Variants in TBC1D9B observed in about 807,000 individuals in gnomAD.
The protein encoded by TBC1D9B is TBC1 domain family, member 9B (with GRAM domain).
TBC1D9B carries 87 observed loss-of-function variants against 121.1 expected under a neutral mutation model. The ratio of observed to expected loss-of-function variants is 0.72; its 90% CI spans 0.60 to 0.86. The LOEUF (loss-of-function observed/expected upper bound fraction) is 0.86. Ranked by LOEUF, TBC1D9B falls within the 40% of genes least tolerant of loss-of-function variation. TBC1D9B has a pLI of 0.00. For synonymous variants in TBC1D9B, 668 were observed against 670.1 expected, an observed-to-expected ratio of 1.00 and a Z score of 0.05; for missense variants, 1,540 against 1,628.6, an observed-to-expected ratio of 0.95 and a Z score of 0.94.
intron 5 of TBC1D9B, 53 bp downstream of exon 5, chr5:179,893,156 G>A: frequency 6.5e-7 from 1 of 1,545,844 alleles, no homozygotes; most frequent in Admixed American, 1.8e-5. Context: ...TCCCAGCCAA[G>A]GTCAGCGAAC....
At chr5:179,895,795 G>A (rs1289257992) in intron 3 of TBC1D9B, among the ~76,000 whole-genome samples, 1 of 152,236 alleles carries the variant, frequency 6.6e-6, no homozygotes, top group African/African-American at 2.4e-5. Flanking sequence ...AGGACTGAAA[G>A]GTGGGATCTG....
chr5:179,888,040 T>C, intron 7 of TBC1D9B, 63 bp downstream of exon 7: 1 of 1,595,346 alleles, frequency 6.3e-7, no homozygotes. Context: ...GCGGGGAGGC[T>C]GATGGATGCC....
chr5:179,891,541 G>T lies in TBC1D9B; in HGVS notation c.882C>A (p.Phe294Leu), dbSNP rs1256719856. 3 of 1,613,810 alleles carry T rather than the reference G, an allele frequency of 1.9e-6. No individual in the cohort carries two copies. The Admixed American group carries it at 5.0e-5, about 27-fold the overall frequency. ...CTAGCCGCTCATCCCTGGGCAGCCG[G>T]AACGTGGCTCGGTAGCACTCATTCT... ...RAKNECYRAT[F>L]RLPRDERLDG... The change falls in exon 6 of 21, where the codon TTC becomes TTA. Residue 294 changes from phenylalanine (F) to leucine (L), a missense_variant. Coordinates refer to ENST00000355235, the MANE Select transcript of TBC1D9B (RefSeq NM_015043.4). This position sits in a 1 kb window ranked among gnomAD's most constrained non-coding sequence, Gnocchi z 4.3.
At chr5:179,900,072 T>C (rs867103648) in intron 2 of TBC1D9B, among the ~76,000 whole-genome samples, 1 of 151,904 alleles carries the variant, frequency 6.6e-6, no homozygotes, top group East Asian at 1.9e-4. Flanking sequence ...TACAAAAAAT[T>C]AGCTGGGCGT....
In TBC1D9B at chr5:179,888,255, T is replaced by C. The variant is rs746913600; in HGVS notation, c.1102A>G (p.Ser368Gly). The change falls in exon 7 of 21, where the codon AGC (serine) becomes GGC (glycine). Residue 368 changes from serine (S) to glycine (G), a missense_variant. Coordinates refer to ENST00000355235, the MANE Select transcript of TBC1D9B (RefSeq NM_015043.4). ...SSVLPSPLSI[S>G]TKSKMTFLFA... ...AGGAATGTCATTTTGCTTTTGGTGC[T>C]GATGGACAGGGGGCTGGGCAGCACG... 1 of 1,611,946 alleles carries C rather than the reference T, an allele frequency of 6.2e-7. No homozygotes were observed. The highest frequency in any genetic ancestry group is 2.2e-5 in the East Asian group (1 of 44,850).
At chr5:179,871,641 C>T (rs1245033573) in intron 14 of TBC1D9B, 111 bp from the exon 15 acceptor site, 1 of 1,140,150 alleles carries the variant, frequency 8.8e-7, no homozygotes, top group Non-Finnish European at 1.3e-6. Context: ...GTGAACCGCC[C>T]TCTCAGTGGC....
At position 179,862,962 on chromosome 5, in the gene TBC1D9B, C is replaced by T. The variant is rs563798740; in HGVS notation, c.*486G>A. On this transcript the variant is annotated 3_prime_UTR_variant, in exon 21 of 21. Transcript: ENST00000355235. ...TCCTCAGTCAGGAGGTTCAGGCTCC[C>T]GGAGAGCACCTGAGGGTTCCATCAC... 2.4e-5 allele frequency: 6 copies of T among 249,188 alleles called. No individual in the cohort carries two copies. Among genetic ancestry groups the T allele is most frequent in the South Asian group, 9.4e-5 (2 of 21,292 alleles). The allele number at this position is 249,188 out of a possible 1,614,324, so 15.4% of individuals were successfully genotyped here. A position where few individuals can be genotyped will look rare whatever the true frequency, so the allele number is the denominator to read the frequency against.
rs1199923915 is a variant in TBC1D9B at position 179,865,179 on chromosome 5, G to A, written c.3021+75C>T. On this transcript the variant is annotated intron_variant, in intron 20 of 20. Transcript: ENST00000355235. The surrounding 1 kb of genome is among the most constrained non-coding windows in gnomAD (Gnocchi z 5.1). ...ACCCACCAGGAGATGCTGCAGTGCA[G>A]GTGCGGTGATGTTAGGGCCCAGTCT... 3.6e-6 allele frequency: 5 copies of A among 1,370,418 alleles called. No individual in the cohort carries two copies. The highest frequency in any genetic ancestry group is 2.9e-5 in the African/African-American group (2 of 70,008). 84.9% of individuals were successfully genotyped at this position (1,370,418 alleles called of 1,614,324 possible).
At chr5:179,879,240 T>C (rs1271806014) in intron 8 of TBC1D9B, 43 bp from the exon 9 acceptor site, 1 of 1,578,670 alleles carries the variant, frequency 6.3e-7, no homozygotes, top group Non-Finnish European at 8.5e-7. Flanking sequence ...CCGAAGCGCA[T>C]CTGAGTGCCG....
chr5:179,870,578 T>G, intron 15 of TBC1D9B, 83 bp from the exon 16 acceptor site: 1 of 1,481,494 alleles, frequency 6.7e-7, no homozygotes. Context: ...GTGTCCACCC[T>G]CCCCCTCTGT....
intron 7 of TBC1D9B, among the ~76,000 whole-genome samples, chr5:179,881,353 A>C (rs1760536871): frequency 1.3e-5 from 2 of 152,102 alleles, no homozygotes; most frequent in South Asian, 2.1e-4. Context: ...TTTAACTGAG[A>C]ACAGGGAACA....
rs191428640 is a variant in TBC1D9B, at chr5:179,864,894, G to A, written c.3021+360C>T. 4.6e-5 allele frequency among the ~76,000 whole-genome samples: 7 copies of A among 152,358 alleles called. No individual in the cohort carries two copies. In the East Asian group the frequency reaches 1.3e-3, roughly 29 times the overall value. On this transcript the variant is annotated intron_variant, in intron 20 of 20. Coordinates refer to ENST00000355235, the MANE Select transcript of TBC1D9B (RefSeq NM_015043.4). ...CATGCTTCTGATCTGCGAGACCAGTGAATGAAGAGCGGGTGTGGAGGATGC... is the reference window on the plus strand; with the variant it reads ...CATGCTTCTGATCTGCGAGACCAGTAAATGAAGAGCGGGTGTGGAGGATGC...
chr5:179,895,209 A>G (rs1355342527), intron 3 of TBC1D9B, among the ~76,000 whole-genome samples: 4 of 152,330 alleles, frequency 2.6e-5, no homozygotes, highest in African/African-American at 9.6e-5. Context: ...AAAATTGTTG[A>G]AACATTATCC....
chr5:179,872,867 T>A (rs532795), intron 14 of TBC1D9B, 25 bp downstream of exon 14: 4,539 of 1,331,378 alleles, frequency 3.4e-3, no homozygotes, highest in Non-Finnish European at 4.6e-3. Context: ...GCCCAGCCCC[T>A]GCCCAGCCCT....
In TBC1D9B at chr5:179,863,260, T is replaced by C. The variant is rs13354448; in HGVS notation, c.*188A>G. ...CCCAGAAGCAGCCGGCGCCAGGAGA[T>C]GCAGGCCCAGGGAATCTGTCTAAGG... On this transcript the variant is annotated 3_prime_UTR_variant, in exon 21 of 21. Coordinates refer to ENST00000355235, the MANE Select transcript of TBC1D9B (RefSeq NM_015043.4). The surrounding 1 kb of genome is among the most constrained non-coding windows in gnomAD (Gnocchi z 4.5). 1.1e-3 allele frequency: 704 copies of C among 655,282 alleles called. 3 individuals carry two copies. In the African/African-American group the frequency reaches 0.012, roughly 11 times the overall value. The allele number at this position is 655,282 out of a possible 1,614,324, so 40.6% of individuals were successfully genotyped here. A position where few individuals can be genotyped will look rare whatever the true frequency, so the allele number is the denominator to read the frequency against.
rs1379633601 is a variant in TBC1D9B, at chr5:179,891,855, C to T, written c.837-269G>A. ...TGAGACTGCTTTGAAAAGGACACAC[C>T]TAGATGCTGGCCTGGGCAATGTGCA... On this transcript the variant is annotated intron_variant, in intron 5 of 20. Coordinates refer to ENST00000355235, the MANE Select transcript of TBC1D9B (RefSeq NM_015043.4). This position sits in a 1 kb window ranked among gnomAD's most constrained non-coding sequence, Gnocchi z 4.3. Among the ~76,000 whole-genome samples, 1 of 152,188 alleles carries T rather than the reference C, an allele frequency of 6.6e-6. No individual in the cohort carries two copies. The highest frequency in any genetic ancestry group is 2.4e-5 in the African/African-American group (1 of 41,450).
At chr5:179,903,569 C>T (rs1416586621) in intron 2 of TBC1D9B, among the ~76,000 whole-genome samples, 1 of 152,220 alleles carries the variant, frequency 6.6e-6, no homozygotes, top group Non-Finnish European at 1.5e-5. Flanking sequence ...TCTAATCACA[C>T]TTCTGTCGAC....
At chr5:179,888,655 C>A (rs1760767275) in intron 6 of TBC1D9B, among the ~76,000 whole-genome samples, 1 of 152,124 alleles carries the variant, frequency 6.6e-6, no homozygotes, top group Non-Finnish European at 1.5e-5. Flanking sequence ...AGGACTGTTC[C>A]CTGCACTTGT....
intron 8 of TBC1D9B, 114 bp from the exon 9 acceptor site, chr5:179,879,311 G>GCCTT: frequency 6.9e-7 from 1 of 1,443,424 alleles, no homozygotes; most frequent in South Asian, 1.4e-5. Context: ...AGCAAGTGTG[G>GCCTT]CCTTCCTCGC....
Sources: allele counts gnomAD v4.1 joint callset (sites outside exome capture counted in the v4.1 genomes callset), GRCh38; gene constraint gnomAD v4.1.1; non-coding constraint Gnocchi (gnomAD v3.1); transcripts MANE v1.5; gene names NCBI Gene and HGNC (gene_info 2026-07-23, HGNC 2026-07-21).